Variants in SYNPO2 observed in about 807,000 individuals in gnomAD.
SYNPO2 encodes the protein synaptopodin-2.
SYNPO2 carries 56 observed loss-of-function variants against 85.0 expected under a neutral mutation model. The observed-to-expected ratio is 0.66, with a 90% confidence interval of 0.53 to 0.82. The LOEUF is 0.82. Ranked by LOEUF, SYNPO2 falls within the 40% of genes least tolerant of loss-of-function variation. The probability of loss-of-function intolerance (pLI) is 0.00; values close to 1 mark genes in which losing one functional copy is unlikely to be tolerated. For missense variants in SYNPO2, 1,575 were observed against 1,534.2 expected (o/e 1.03, Z -0.44); for synonymous variants, 602 against 591.1 (o/e 1.02, Z -0.27).
At chr4:118,940,042 G>C (rs376307771) in intron 1 of SYNPO2, among the ~76,000 whole-genome samples, 1 of 143,520 alleles carries the variant, frequency 7.0e-6, no homozygotes, top group Non-Finnish European at 1.5e-5. Context: ...CTGGAGTGCA[G>C]TGATGCAATC....
Position 118,851,168 on chromosome 4 carries a change from TCA to T in SYNPO2, c.12+231_12+232del, listed in dbSNP as rs756870687. 1.0e-3 allele frequency among the ~76,000 whole-genome samples: 154 copies of T among 152,326 alleles called. No individual in the cohort carries two copies. The Middle Eastern group carries it at 0.02, about 20-fold the overall frequency. ...TGACTGTTATCACGATCTTTCTTCCTCACATTGTCCTAGTAACCCCAGCATCA... is the reference window on the plus strand; with the variant it reads ...TGACTGTTATCACGATCTTTCTTCCTCATTGTCCTAGTAACCCCAGCATCA... On this transcript the variant is annotated intron_variant, in intron 1 of 4. Coordinates refer to the SYNPO2 transcript ENST00000610556.
chr4:118,899,018 G>A (rs1013181640), intron 1 of SYNPO2, among the ~76,000 whole-genome samples: 2 of 152,170 alleles, frequency 1.3e-5, no homozygotes, highest in African/African-American at 4.8e-5. Flanking sequence ...CAATTGTCTA[G>A]TCGGAGGGGA....
At chr4:118,881,673 G>A (rs981285436) in intron 1 of SYNPO2, among the ~76,000 whole-genome samples, 6 of 152,188 alleles carry the variant, frequency 3.9e-5, no homozygotes, top group Non-Finnish European at 7.3e-5. Context: ...TAGTAGCAGT[G>A]GTAGTTTTTC....
chr4:119,017,983 C>T (rs980280259), intron 1 of SYNPO2, among the ~76,000 whole-genome samples: 4 of 152,066 alleles, frequency 2.6e-5, no homozygotes, highest in African/African-American at 4.8e-5. Flanking sequence ...AAGAGAAAAA[C>T]GAGGTTTTTT....
At chr4:119,034,841 C>T (rs576797389) in intron 4 of SYNPO2, 3 of 985,530 alleles carry the variant, frequency 3.0e-6, no homozygotes, top group South Asian at 9.4e-5. Flanking sequence ...GACCTCCAGA[C>T]GTCAGCCTCC....
chr4:118,999,493 T>C (rs1479993992), intron 1 of SYNPO2, among the ~76,000 whole-genome samples: 1 of 152,096 alleles, frequency 6.6e-6, no homozygotes, highest in Non-Finnish European at 1.5e-5. Context: ...TTTGTAAAGA[T>C]AGTAGAGATA....
intron 1 of SYNPO2, among the ~76,000 whole-genome samples, chr4:119,011,920 CTTTT>C (rs548974684): frequency 9.1e-6 from 1 of 109,618 alleles, no homozygotes; most frequent in Non-Finnish European, 1.8e-5. Context: ...TTTCTATAGA[CTTTT>C]TTTTTTTTTT....
At chr4:118,854,364 T>G (rs967212449) in intron 1 of SYNPO2, among the ~76,000 whole-genome samples, 2 of 152,244 alleles carry the variant, frequency 1.3e-5, no homozygotes, top group Non-Finnish European at 2.9e-5. Context: ...ATCATTTTAT[T>G]GGTTCCATTA....
chr4:118,867,706 A>G (rs1391353784), intron 1 of SYNPO2, among the ~76,000 whole-genome samples: 2 of 151,392 alleles, frequency 1.3e-5, no homozygotes, highest in African/African-American at 2.4e-5. Flanking sequence ...TTCTGAAAAA[A>G]TTATATGCCA....
rs931674766 is a variant in SYNPO2, at chr4:118,878,149, A to G, written c.12+27209A>G. ...ATGTTCTCGTTTATAAGTGGGAGCT[A>G]AACTTTGAGTACATATTGACACAAA... On this transcript the variant is annotated intron_variant, in intron 1 of 4. Transcript: ENST00000610556. 8.5e-5 allele frequency among the ~76,000 whole-genome samples: 13 copies of G among 152,312 alleles called. No individual in the cohort carries two copies. The East Asian group carries it at 2.5e-3, about 29-fold the overall frequency.
rs535241061 is a variant in SYNPO2 at position 118,945,966 on chromosome 4, G to A, written c.105+56825G>A. Among the ~76,000 whole-genome samples, 10 of 152,164 alleles carry A rather than the reference G, an allele frequency of 6.6e-5. 1 individual carries two copies. Among genetic ancestry groups the A allele is most frequent in the African/African-American group, 1.9e-4 (8 of 41,502 alleles). ...TCACCATGTTGGCCAGGATGGTCTC[G>A]ATCTCTTGACCTCATGATCTGCCCG... On this transcript the variant is annotated intron_variant, in intron 1 of 4. Coordinates refer to ENST00000307142, the MANE Select transcript of SYNPO2 (RefSeq NM_133477.3).
chr4:119,023,350 A>T, intron 1 of SYNPO2, 80 bp from the exon 2 acceptor site: 1 of 1,441,408 alleles, frequency 6.9e-7, no homozygotes, highest in Non-Finnish European at 9.3e-7. Flanking sequence ...TACTGTTGAC[A>T]GATTTGTTTC....
chr4:118,915,815 C>T (rs565092799), intron 1 of SYNPO2, among the ~76,000 whole-genome samples: 25 of 152,258 alleles, frequency 1.6e-4, no homozygotes, highest in Admixed American at 5.2e-4. Flanking sequence ...AGGCATCCTG[C>T]GGCTCTACAA....
At chr4:118,913,790 A>G (rs1359754453) in intron 1 of SYNPO2, among the ~76,000 whole-genome samples, 1 of 152,192 alleles carries the variant, frequency 6.6e-6, no homozygotes, top group Non-Finnish European at 1.5e-5. Context: ...TTATTAACTC[A>G]AAGAACCAGG....
At chr4:118,916,083 G>T (rs1409406651) in intron 1 of SYNPO2, among the ~76,000 whole-genome samples, 1 of 151,442 alleles carries the variant, frequency 6.6e-6, no homozygotes, top group African/African-American at 2.4e-5. Flanking sequence ...TATGGTGAAT[G>T]ACCTTTCTAT....
chr4:118,958,859 G>A (rs1734972516), intron 1 of SYNPO2, among the ~76,000 whole-genome samples: 1 of 152,102 alleles, frequency 6.6e-6, no homozygotes, highest in African/African-American at 2.4e-5. Context: ...TAGCCTCTAA[G>A]GAACCACTTC....
Position 118,984,085 on chromosome 4 carries a change from A to T in SYNPO2, c.106-39345A>T, listed in dbSNP as rs1366080651. Among the ~76,000 whole-genome samples the T allele has an allele frequency of 2.0e-5, 3 of 152,222 alleles. No homozygotes were observed. In the East Asian group the frequency reaches 5.8e-4, roughly 29 times the overall value. ...TTCCAGCCTTCATTTCATCACCTAGACTTCTGAAAAGATCACCAAACTGGT... is the reference window on the plus strand; with the variant it reads ...TTCCAGCCTTCATTTCATCACCTAGTCTTCTGAAAAGATCACCAAACTGGT... On this transcript the variant is annotated intron_variant, in intron 1 of 4. Transcript: ENST00000307142.
Position 119,057,713 on chromosome 4 carries a change from G to T in SYNPO2, c.3565G>T (p.Ala1189Ser). 1 of 1,614,110 alleles carries T rather than the reference G, an allele frequency of 6.2e-7. No homozygotes were observed. The highest frequency in any genetic ancestry group is 8.5e-7 in the Non-Finnish European group (1 of 1,180,016). ...GTCCTATATTCCTCAAACCCAGAAG[G>T]CCTATATGGGCTCATGTGGAAGGCA... ...RLSYIPQTQK[A>S]YMGSCGRQEY... The change falls in exon 5 of 5, where the codon GCC becomes TCC. Residue 1189 changes from alanine (A) to serine (S), a missense_variant. Around this residue, in one of 3 missense-constraint regions of SYNPO2, gnomAD observed 1,508 missense variants for 1,446.8 expected, o/e 1.04. Coordinates refer to ENST00000307142, the MANE Select transcript of SYNPO2 (RefSeq NM_133477.3).
chr4:119,058,093 TGTG>T lies in SYNPO2; in HGVS notation c.*160_*162del. 4 of 643,394 alleles carry T rather than the reference TGTG, an allele frequency of 6.2e-6. No individual in the cohort carries two copies. Among genetic ancestry groups the T allele is most frequent in the South Asian group, 2.1e-5 (1 of 48,186 alleles). 39.9% of individuals were successfully genotyped at this position (643,394 alleles called of 1,614,324 possible). A position where few individuals can be genotyped will look rare whatever the true frequency, so the allele number is the denominator to read the frequency against. On this transcript the variant is annotated 3_prime_UTR_variant, in exon 5 of 5. Transcript: ENST00000307142. ...TTGTGTTTCTGTGTGTGTGTGTGTG[TGTG>T]TATGTATGTGAATATACACACACAC...
Sources: allele counts gnomAD v4.1 joint callset (sites outside exome capture counted in the v4.1 genomes callset), GRCh38; gene constraint gnomAD v4.1.1; regional missense constraint gnomAD v4.1.1; transcripts MANE v1.5; gene names NCBI Gene and HGNC (gene_info 2026-07-23, HGNC 2026-07-21).